MACROD2: variants seen among roughly 807,000 people sequenced by gnomAD.
MACROD2 encodes ADP-ribose glycohydrolase MACROD2.
MACROD2 carries 36 observed loss-of-function variants against 70.4 expected under a neutral mutation model. The observed-to-expected ratio is 0.51, with a 90% CI of 0.39 to 0.68. The LOEUF (loss-of-function observed/expected upper bound fraction) is 0.68, where lower values mean the gene tolerates loss of function less well. Among genes scored for constraint, MACROD2 ranks in the 30% least tolerant of loss-of-function variants. The pLI is 0.00. For synonymous variants in MACROD2, 172 were observed against 178.8 expected (o/e 0.96, Z 0.30); for missense variants, 496 against 538.4 (o/e 0.92, Z 0.78).
At chr20:15,238,137 G>T (rs2077030531) in intron 6 of MACROD2, among the ~76,000 whole-genome samples, 1 of 152,248 alleles carries the variant, frequency 6.6e-6, no homozygotes, top group Non-Finnish European at 1.5e-5. Context: ...AAGTTAAACA[G>T]AGTTTCTAAT....
intron 6 of MACROD2, among the ~76,000 whole-genome samples, chr20:15,380,445 C>A (rs2045628125): frequency 2.0e-5 from 3 of 147,314 alleles, no homozygotes; most frequent in African/African-American, 2.5e-5. Context: ...TTTCAGGTAA[C>A]CATTGGAGTT....
intron 3 of MACROD2, among the ~76,000 whole-genome samples, chr20:14,427,408 C>T (rs73901251): frequency 0.028 from 4,215 of 151,548 alleles, 187 homozygotes; most frequent in African/African-American, 0.095. Context: ...CTTCTACTTT[C>T]CTCATGATTC....
chr20:15,103,592 A>G (rs1345765520), intron 5 of MACROD2, among the ~76,000 whole-genome samples: 1 of 152,300 alleles, frequency 6.6e-6, no homozygotes, highest in African/African-American at 2.4e-5. Flanking sequence ...TATCTGCCTT[A>G]GGGATACAGA....
At chr20:14,405,481 A>G (rs538084854) in intron 3 of MACROD2, among the ~76,000 whole-genome samples, 122 of 152,302 alleles carry the variant, frequency 8.0e-4, no homozygotes, top group Middle Eastern at 3.4e-3. Context: ...AATCTACGGG[A>G]GTCCAGTAGG....
intron 6 of MACROD2, among the ~76,000 whole-genome samples, chr20:15,335,153 T>A (rs2146197620): frequency 6.6e-6 from 1 of 151,888 alleles, no homozygotes. Context: ...CTTCATCCAA[T>A]CCCTGATTGG....
intron 5 of MACROD2, among the ~76,000 whole-genome samples, chr20:14,687,249 C>A (rs1307546504): frequency 6.6e-6 from 1 of 152,126 alleles, no homozygotes; most frequent in Non-Finnish European, 1.5e-5. Context: ...TATTAAAATA[C>A]AAATCAAATT....
At chr20:15,613,028 C>T (rs931909082) in intron 8 of MACROD2, among the ~76,000 whole-genome samples, 1 of 151,988 alleles carries the variant, frequency 6.6e-6, no homozygotes, top group Non-Finnish European at 1.5e-5. Context: ...TTCCCTGTGG[C>T]AAAAAGGGAG....
intron 8 of MACROD2, among the ~76,000 whole-genome samples, chr20:15,537,225 T>A (rs192401478): frequency 1.3e-5 from 2 of 152,160 alleles, no homozygotes; most frequent in African/African-American, 4.8e-5. Flanking sequence ...TTTTCTCTTA[T>A]CTGCCACCAA....
At chr20:15,201,947 T>C (rs1170885678) in intron 5 of MACROD2, among the ~76,000 whole-genome samples, 2 of 152,114 alleles carry the variant, frequency 1.3e-5, no homozygotes, top group Non-Finnish European at 2.9e-5. Context: ...CCAAAGTAAA[T>C]TGGCATGTGT....
intron 12 of MACROD2, among the ~76,000 whole-genome samples, chr20:15,962,184 A>G (rs1197160191): frequency 6.6e-6 from 1 of 152,162 alleles, no homozygotes; most frequent in Non-Finnish European, 1.5e-5. Context: ...TTGTAAGTAC[A>G]CAGTTAAAAT....
chr20:14,619,194 G>T (rs930181116), intron 4 of MACROD2, among the ~76,000 whole-genome samples: 1 of 151,718 alleles, frequency 6.6e-6, no homozygotes, highest in African/African-American at 2.4e-5. Context: ...TTTGTCTCAG[G>T]AGCCTTTGTT....
chr20:14,124,824 CAT>C (rs1268153533), intron 3 of MACROD2, among the ~76,000 whole-genome samples: 2 of 152,132 alleles, frequency 1.3e-5, no homozygotes, highest in African/African-American at 2.4e-5. Context: ...GAATTAAAAA[CAT>C]ATGTTTTCGC....
intron 6 of MACROD2, among the ~76,000 whole-genome samples, chr20:15,243,771 A>G (rs1307340004): frequency 6.8e-6 from 1 of 147,180 alleles, no homozygotes. Flanking sequence ...AAAAAAAAAA[A>G]GAAAATTAGC....
At chr20:15,107,015 C>T (rs540303064) in intron 5 of MACROD2, among the ~76,000 whole-genome samples, 1 of 150,608 alleles carries the variant, frequency 6.6e-6, no homozygotes, top group South Asian at 2.1e-4. Flanking sequence ...ATCACAGATA[C>T]ACACAATCCT....
intron 3 of MACROD2, among the ~76,000 whole-genome samples, chr20:14,095,701 T>C (rs927307925): frequency 6.6e-6 from 1 of 152,178 alleles, no homozygotes; most frequent in Non-Finnish European, 1.5e-5. Flanking sequence ...TCAGGAGTTT[T>C]TATTAAAAGC....
intron 5 of MACROD2, among the ~76,000 whole-genome samples, chr20:14,721,513 G>T (rs1339083446): frequency 6.6e-6 from 1 of 152,056 alleles, no homozygotes; most frequent in Non-Finnish European, 1.5e-5. Context: ...AGTGTCTACT[G>T]GGGCAAGTAC....
At chr20:14,223,626 G>GCCT (rs746471529) in intron 3 of MACROD2, among the ~76,000 whole-genome samples, 7 of 150,886 alleles carry the variant, frequency 4.6e-5, no homozygotes, top group African/African-American at 7.3e-5. Flanking sequence ...TCCTGCCTCA[G>GCCT]CCTCCCAAGT....
At position 14,578,314 on chromosome 20, in the gene MACROD2, A is replaced by T. The variant is rs181689670; in HGVS notation, c.301+84806A>T. Among the ~76,000 whole-genome samples the T allele has an allele frequency of 4.0e-3, 603 of 152,226 alleles. 3 individuals carry two copies. The highest frequency in any genetic ancestry group is 6.0e-3 in the Non-Finnish European group (406 of 68,002). ...TCTATTTTTTGATATTACAGTAGTC[A>T]GGTACAAGGAAGTTTATTATTACAG... On this transcript the variant is annotated intron_variant, in intron 4 of 17. Coordinates refer to ENST00000684519, the MANE Select transcript of MACROD2 (RefSeq NM_001351661.2).
intron 3 of MACROD2, among the ~76,000 whole-genome samples, chr20:14,282,595 A>G (rs1301020472): frequency 1.3e-5 from 2 of 152,170 alleles, no homozygotes. Context: ...TAAATACCGG[A>G]GACTGGGTAA....
Sources: gnomAD v4.1 joint callset for allele counts (sites outside exome capture counted in the v4.1 genomes callset) on GRCh38, gnomAD v4.1.1 for gene constraint, MANE v1.5 for transcripts, NCBI Gene and HGNC (gene_info 2026-07-23, HGNC 2026-07-21) for gene names.